FAM13A: variants seen among roughly 807,000 people sequenced by gnomAD.
The protein encoded by FAM13A is family with sequence similarity 13 member A.
A neutral mutation model predicts 129.6 loss-of-function variants in FAM13A; 76 were observed. That is an observed-to-expected ratio of 0.59 (90% CI 0.49 to 0.71). The LOEUF (loss-of-function observed/expected upper bound fraction) is 0.71. Ranked by LOEUF, FAM13A falls within the 30% of genes least tolerant of loss-of-function variation. FAM13A has a pLI of 0.00. For missense variants in FAM13A, 1,108 were observed against 1,249.3 expected (o/e 0.89, Z 1.70); for synonymous variants, 443 against 449.9 (o/e 0.98, Z 0.20).
At chr4:88,831,651 G>A (rs561039216) in intron 7 of FAM13A, among the ~76,000 whole-genome samples, 1 of 151,888 alleles carries the variant, frequency 6.6e-6, no homozygotes, top group African/African-American at 2.4e-5. Flanking sequence ...TAATTATTTG[G>A]GTTATCAAGA....
At chr4:88,803,479 C>T (rs554194834) in intron 8 of FAM13A, among the ~76,000 whole-genome samples, 2 of 152,220 alleles carry the variant, frequency 1.3e-5, no homozygotes, top group Non-Finnish European at 2.9e-5. Flanking sequence ...AGTTCTCATT[C>T]GTTGGCATGA....
chr4:88,731,285 TGCG>T, intron 23 of FAM13A, 39 bp downstream of exon 23: 1 of 776,678 alleles, frequency 1.3e-6, no homozygotes, highest in South Asian at 1.5e-5. Flanking sequence ...GTGTGTGTGG[TGCG>T]GCGGGGGGGA....
intron 4 of FAM13A, among the ~76,000 whole-genome samples, chr4:88,971,754 C>T (rs1221853618): frequency 1.3e-5 from 2 of 152,192 alleles, no homozygotes; most frequent in South Asian, 4.1e-4. Context: ...TCAAGCAATC[C>T]TCCCACCAGC....
At chr4:89,047,260 A>G (rs552022674) in intron 1 of FAM13A, among the ~76,000 whole-genome samples, 2 of 152,260 alleles carry the variant, frequency 1.3e-5, no homozygotes, top group South Asian at 4.2e-4. Flanking sequence ...CAAATATATT[A>G]AGTGGTTTTT....
At chr4:88,854,520 C>T (rs2150002103) in intron 6 of FAM13A, among the ~76,000 whole-genome samples, 1 of 152,326 alleles carries the variant, frequency 6.6e-6, no homozygotes, top group South Asian at 2.1e-4. Flanking sequence ...TCACACCACA[C>T]TTTGCTTCTT....
At chr4:88,839,678 G>C (rs1316552439) in intron 7 of FAM13A, among the ~76,000 whole-genome samples, 1 of 152,192 alleles carries the variant, frequency 6.6e-6, no homozygotes, top group Non-Finnish European at 1.5e-5. Flanking sequence ...CTTGAGGCCA[G>C]GAGTTTGAGA....
chr4:88,954,765 A>C (rs1050461014), intron 4 of FAM13A, among the ~76,000 whole-genome samples: 2 of 151,998 alleles, frequency 1.3e-5, no homozygotes, highest in Admixed American at 1.3e-4. Context: ...GCGCGCCTAT[A>C]ATCACAGCTA....
intron 1 of FAM13A, among the ~76,000 whole-genome samples, chr4:89,038,691 T>C (rs1374532753): frequency 6.6e-6 from 1 of 152,090 alleles, no homozygotes; most frequent in Non-Finnish European, 1.5e-5. Flanking sequence ...CTGTAATAAG[T>C]GACAGAAAGG....
intron 4 of FAM13A, among the ~76,000 whole-genome samples, chr4:88,950,682 T>C (rs1021226244): frequency 6.6e-6 from 1 of 152,248 alleles, no homozygotes; most frequent in Non-Finnish European, 1.5e-5. Context: ...ATACTATTTA[T>C]CTGAAATAGT....
chr4:88,760,959 T>C (rs1275073129), intron 13 of FAM13A, among the ~76,000 whole-genome samples: 2 of 152,188 alleles, frequency 1.3e-5, no homozygotes, highest in Non-Finnish European at 2.9e-5. Flanking sequence ...CAAAAAATAC[T>C]AGAAATATGA....
Position 88,805,060 on chromosome 4 carries a change from G to C in FAM13A, c.1008-8C>G. 1 of 1,448,920 alleles carries C rather than the reference G, an allele frequency of 6.9e-7. No individual in the cohort carries two copies. Among genetic ancestry groups the C allele is most frequent in the Middle Eastern group, 1.7e-4 (1 of 5,742 alleles). The allele number at this position is 1,448,920 out of a possible 1,614,324, so 89.8% of individuals were successfully genotyped here. On this transcript the variant is annotated splice_polypyrimidine_tract_variant and splice_region_variant and intron_variant, in intron 7 of 23. Transcript: ENST00000264344. Reference sequence around the variant, plus strand: ...CTTTCATCTTCCTGTGAACTAAAAGGAAAATAAATTTTGAATTAATATAAT... The same window carrying C: ...CTTTCATCTTCCTGTGAACTAAAAGCAAAATAAATTTTGAATTAATATAAT...
intron 11 of FAM13A, among the ~76,000 whole-genome samples, chr4:88,775,167 G>C (rs879873600): frequency 2.0e-5 from 3 of 152,110 alleles, no homozygotes; most frequent in African/African-American, 4.8e-5. Context: ...TGTGGTATGA[G>C]GACAAGGAGA....
chr4:88,732,027 G>C lies in FAM13A; in HGVS notation c.2818C>G (p.Leu940Val). 1.9e-6 allele frequency: 3 copies of C among 1,612,544 alleles called. No individual in the cohort carries two copies. In the South Asian group the frequency reaches 3.3e-5, roughly 18 times the overall value. The change falls in exon 22 of 24, where the codon CTT becomes GTT. Residue 940 changes from leucine to valine, a missense_variant. Leu to Val is a conservative substitution (Grantham distance 32, BLOSUM62 1). Transcript: ENST00000264344. The part of the protein sequence containing the change: ...IPSKCSQDTG[L>V]SNLHAASIPE... ...ATTGAGGCAGCATGGAGATTTGAAA[G>C]CCCTGTGTCCTGGCTGCATTTTGAT...
intron 6 of FAM13A, among the ~76,000 whole-genome samples, chr4:88,883,082 C>T (rs1310553589): frequency 6.6e-6 from 1 of 152,038 alleles, no homozygotes; most frequent in Non-Finnish European, 1.5e-5. Context: ...TTCAATATTC[C>T]ACTGACAGGA....
chr4:88,732,105 G>T lies in FAM13A; in HGVS notation c.2740C>A (p.Gln914Lys). ...TDFSARCFLD[Q>K]FEDDADGFIS... Reference sequence around the variant, plus strand: ...AATCCATCAGCGTCATCTTCGAATTGGTCCAGAAAGCATCGTGCACTGAAA... The same window carrying T: ...AATCCATCAGCGTCATCTTCGAATTTGTCCAGAAAGCATCGTGCACTGAAA... Residue 914 changes from glutamine (Q) to lysine (K), a missense_variant, in exon 22 of 24, where the codon CAA (glutamine) becomes AAA (lysine). Physicochemically the swap from Gln to Lys is moderately conservative, Grantham distance 53. Around this residue, in one of 3 missense-constraint regions of FAM13A, gnomAD observed 529 missense variants for 621.2 expected, o/e 0.85. Transcript: ENST00000264344. The T allele has an allele frequency of 6.2e-7, 1 of 1,613,852 alleles. No homozygotes were observed. Among genetic ancestry groups the T allele is most frequent in the Non-Finnish European group, 8.5e-7 (1 of 1,179,862 alleles).
chr4:88,833,188 A>G (rs1734203481), intron 7 of FAM13A, among the ~76,000 whole-genome samples: 1 of 152,176 alleles, frequency 6.6e-6, no homozygotes, highest in Admixed American at 6.5e-5. Flanking sequence ...AAGAGAACAC[A>G]TGGACACTGG....
chr4:89,041,951 GT>G (rs890841148), intron 1 of FAM13A, among the ~76,000 whole-genome samples: 8 of 152,008 alleles, frequency 5.3e-5, no homozygotes, highest in Middle Eastern at 6.8e-3. Context: ...CTGTGGCAGA[GT>G]TTGCAGTTGC....
intron 7 of FAM13A, chr4:88,823,336 G>C: frequency 9.1e-7 from 1 of 1,102,678 alleles, no homozygotes; most frequent in Non-Finnish European, 1.1e-6. Flanking sequence ...CTCCTCCCCC[G>C]CACCCTACTC....
At position 88,991,195 on chromosome 4, in the gene FAM13A, TAAC is replaced by T. The variant is rs1439491403; in HGVS notation, c.428-48_428-46del. The T allele has an allele frequency of 3.4e-6, 5 of 1,468,146 alleles. No homozygotes were observed. The African/African-American group carries it at 5.6e-5, about 17-fold the overall frequency. 90.9% of individuals were successfully genotyped at this position (1,468,146 alleles called of 1,614,324 possible). ...AAATGTTCTAAGGTATATTTCACAGTAACAACAACAAAAGCCCATAGGTGTAAT... is the reference window on the plus strand; with the variant it reads ...AAATGTTCTAAGGTATATTTCACAGTAACAACAAAAGCCCATAGGTGTAAT... On this transcript the variant is annotated intron_variant, in intron 3 of 23. Coordinates refer to ENST00000264344, the MANE Select transcript of FAM13A (RefSeq NM_014883.4).
Sources: allele counts gnomAD v4.1 joint callset (sites outside exome capture counted in the v4.1 genomes callset), GRCh38; gene constraint gnomAD v4.1.1; regional missense constraint gnomAD v4.1.1; transcripts MANE v1.5; gene names NCBI Gene and HGNC (gene_info 2026-07-23, HGNC 2026-07-21).